Variants in SLC16A4 observed in about 807,000 individuals in gnomAD.
SLC16A4 encodes the protein probable monocarboxylate transporter 5.
In SLC16A4, 39 loss-of-function variants were observed where a neutral mutation model predicts 47.9. That is an observed-to-expected ratio of 0.81 (90% CI 0.63 to 1.06). The LOEUF is 1.06. SLC16A4 is among the 50% of genes least tolerant of loss of function. The pLI, the probability that SLC16A4 is intolerant of heterozygous loss-of-function variation, is 0.00. For synonymous variants in SLC16A4, 189 were observed against 199.9 expected, an observed-to-expected ratio of 0.95 and a Z score of 0.46; for missense variants, 524 against 573.8, an observed-to-expected ratio of 0.91 and a Z score of 0.89.
At chr1:110,379,922 G>C (rs1415076744) in intron 5 of SLC16A4, 1 of 152,034 alleles carries the variant, frequency 6.6e-6, no homozygotes, top group Non-Finnish European at 1.5e-5. Context: ...AATTGATGTG[G>C]TGGTGTGCAC....
intron 8 of SLC16A4, among the ~76,000 whole-genome samples, chr1:110,364,274 T>C (rs1326035697): frequency 6.6e-6 from 1 of 152,200 alleles, no homozygotes. Context: ...ACTTACTATA[T>C]TCCTGTTAAT....
chr1:110,376,375 G>A (rs888476547), intron 7 of SLC16A4, among the ~76,000 whole-genome samples: 2 of 152,120 alleles, frequency 1.3e-5, no homozygotes, highest in Non-Finnish European at 2.9e-5. Context: ...TTAGGTCCTG[G>A]TTCTAAGGAG....
intron 2 of SLC16A4, among the ~76,000 whole-genome samples, chr1:110,385,824 AT>A (rs1318284164): frequency 6.6e-6 from 1 of 152,188 alleles, no homozygotes; most frequent in Non-Finnish European, 1.5e-5. Context: ...TTAAAAAGAC[AT>A]TTTATCAGGC....
At chr1:110,365,763 G>T (rs1169997962) in intron 8 of SLC16A4, among the ~76,000 whole-genome samples, 1 of 152,132 alleles carries the variant, frequency 6.6e-6, no homozygotes, top group Non-Finnish European at 1.5e-5. Context: ...ATGTGTCTGT[G>T]TATGTATATG....
chr1:110,378,460 A>AG (rs1307845122), intron 6 of SLC16A4, among the ~76,000 whole-genome samples: 16 of 152,218 alleles, frequency 1.1e-4, no homozygotes, highest in African/African-American at 3.9e-4. Context: ...GAGCCAGGGA[A>AG]GTCTTGCTCC....
At chr1:110,370,769 G>C (rs1661647325) in intron 8 of SLC16A4, 1 of 152,088 alleles carries the variant, frequency 6.6e-6, no homozygotes, top group African/African-American at 2.4e-5. Context: ...GGGCTTGGTG[G>C]GGGAAAAATA....
chr1:110,380,908 TC>T, intron 5 of SLC16A4, 73 bp downstream of exon 5: 2 of 1,355,844 alleles, frequency 1.5e-6, no homozygotes, highest in Non-Finnish European at 2.1e-6. Flanking sequence ...AGTCTTAACT[TC>T]CATTTCTCAA....
In SLC16A4 at chr1:110,377,141, G is replaced by T; in HGVS notation, c.1051C>A (p.Gln351Lys). Residue 351 changes from glutamine (Q) to lysine (K), a missense_variant, in exon 7 of 9, where the codon CAG (glutamine) becomes AAG (lysine). Transcript: ENST00000369779. ...SVAGILETVSQIISGWVADQN... is the reference protein window; with the variant it reads ...SVAGILETVSKIISGWVADQN... ...TCAGCAACCCATCCAGAAATAATCT[G>T]ACTGACCGTCTCAAGGATACCTGGA... The T allele has an allele frequency of 1.2e-6, 2 of 1,613,820 alleles. No homozygotes were observed. The highest frequency in any genetic ancestry group is 2.2e-5 in the South Asian group (2 of 91,008).
chr1:110,381,233 G>T, intron 4 of SLC16A4, 90 bp from the exon 5 acceptor site: 1 of 1,246,958 alleles, frequency 8.0e-7, no homozygotes, highest in Non-Finnish European at 1.1e-6. Flanking sequence ...AGATAATACA[G>T]CTAGGCCTTT....
Position 110,363,405 on chromosome 1 carries a change from T to C in SLC16A4, c.*361A>G, listed in dbSNP as rs1433880864. 2.6e-5 allele frequency: 4 copies of C among 155,880 alleles called. No homozygotes were observed. Among genetic ancestry groups the C allele is most frequent in the African/African-American group, 9.6e-5 (4 of 41,460 alleles). The allele number at this position is 155,880 out of a possible 1,614,324, so 9.7% of individuals were successfully genotyped here. ...CACTTTGGAGGACAAGGCGGGCGGATCACGAGGTCAGGAGATGGAGACCAT... is the reference window on the plus strand; with the variant it reads ...CACTTTGGAGGACAAGGCGGGCGGACCACGAGGTCAGGAGATGGAGACCAT... On this transcript the variant is annotated 3_prime_UTR_variant, in exon 9 of 9. Coordinates refer to ENST00000369779, the MANE Select transcript of SLC16A4 (RefSeq NM_004696.3).
chr1:110,383,036 A>G, intron 2 of SLC16A4, 70 bp from the exon 3 acceptor site: 1 of 1,385,954 alleles, frequency 7.2e-7, no homozygotes, highest in Non-Finnish European at 9.8e-7. Context: ...TACGGCTACT[A>G]GAAGTTATGA....
At chr1:110,374,014 C>A (rs201009402) in intron 8 of SLC16A4, among the ~76,000 whole-genome samples, 22,027 of 149,840 alleles carry the variant, frequency 0.15, 1,969 homozygotes, top group East Asian at 0.26. Context: ...AGTTTATAGT[C>A]TCCTTCTTTT....
intron 8 of SLC16A4, among the ~76,000 whole-genome samples, chr1:110,366,707 T>G (rs1452889159): frequency 6.6e-6 from 1 of 152,206 alleles, no homozygotes; most frequent in East Asian, 1.9e-4. Flanking sequence ...ACTGTTCATA[T>G]GACAATGAAA....
At chr1:110,366,134 T>A (rs1461233226) in intron 8 of SLC16A4, among the ~76,000 whole-genome samples, 209 of 113,488 alleles carry the variant, frequency 1.8e-3, no homozygotes, top group Non-Finnish European at 3.1e-3. Flanking sequence ...ACACACACAC[T>A]CTTTCTCTCT....
chr1:110,367,102 A>G (rs1016963035), intron 8 of SLC16A4, among the ~76,000 whole-genome samples: 6 of 152,256 alleles, frequency 3.9e-5, no homozygotes, highest in African/African-American at 1.4e-4. Context: ...TCAAGCTTAT[A>G]TTTAAGTGGC....
At chr1:110,385,815 T>G (rs930270829) in intron 2 of SLC16A4, among the ~76,000 whole-genome samples, 16 of 152,240 alleles carry the variant, frequency 1.1e-4, no homozygotes, top group African/African-American at 3.9e-4. Flanking sequence ...ATTCAAAAGT[T>G]AAAAAGACAT....
At chr1:110,366,321 C>T (rs1661395046) in intron 8 of SLC16A4, among the ~76,000 whole-genome samples, 1 of 152,184 alleles carries the variant, frequency 6.6e-6, no homozygotes, top group South Asian at 2.1e-4. Context: ...CCACACCCGG[C>T]TCATTTTTTT....
intron 5 of SLC16A4, 101 bp from the exon 6 acceptor site, chr1:110,379,457 A>T (rs191522345): frequency 1.4e-4 from 148 of 1,084,926 alleles, no homozygotes; most frequent in Admixed American, 7.4e-4. Flanking sequence ...TAGCCCATTA[A>T]TTCTTGAAAA....
chr1:110,390,134 G>A (rs1662959395), intron 1 of SLC16A4, among the ~76,000 whole-genome samples: 1 of 152,056 alleles, frequency 6.6e-6, no homozygotes, highest in African/African-American at 2.4e-5. Flanking sequence ...AGTTACAGAT[G>A]AAGTCTGCCT....
Sources: allele counts gnomAD v4.1 joint callset (sites outside exome capture counted in the v4.1 genomes callset), GRCh38; gene constraint gnomAD v4.1.1; transcripts MANE v1.5; gene names NCBI Gene and HGNC (gene_info 2026-07-23, HGNC 2026-07-21).